The following PRKAR1B variants were observed in gnomAD, a reference collection of about 807,000 sequenced individuals.
The protein encoded by PRKAR1B is protein kinase cAMP-dependent type I regulatory subunit beta, also known as cAMP-dependent protein kinase type I-beta regulatory subunit.
A neutral mutation model predicts 46.5 loss-of-function variants in PRKAR1B; 22 were observed. The ratio of observed to expected loss-of-function variants is 0.47; its 90% CI spans 0.34 to 0.68. The LOEUF (loss-of-function observed/expected upper bound fraction) is 0.68, where lower values mean the gene tolerates loss of function less well. PRKAR1B is among the 30% of genes least tolerant of loss of function. The pLI, the probability that PRKAR1B is intolerant of heterozygous loss-of-function variation, is 0.01. For missense variants in PRKAR1B, 445 were observed against 535.6 expected (o/e 0.83, Z 1.67); for synonymous variants, 259 against 217.7 (o/e 1.19, Z -1.67).
At chr7:669,075 A>G (rs1359412310) in intron 4 of PRKAR1B, among the ~76,000 whole-genome samples, 5 of 152,208 alleles carry the variant, frequency 3.3e-5, no homozygotes, top group African/African-American at 1.2e-4. Context: ...GAAACAACCC[A>G]AGTGTCCATC....
At chr7:652,782 A>G (rs924834553) in intron 4 of PRKAR1B, among the ~76,000 whole-genome samples, 16 of 152,242 alleles carry the variant, frequency 1.1e-4, no homozygotes, top group African/African-American at 3.9e-4. Flanking sequence ...CTTGGCTCCA[A>G]TAACTGGTAC....
chr7:635,772 G>A (rs950962868), intron 4 of PRKAR1B, among the ~76,000 whole-genome samples: 2 of 152,112 alleles, frequency 1.3e-5, no homozygotes, highest in African/African-American at 4.8e-5. Context: ...AGGTAAGGAG[G>A]TGAATGAGCT....
At chr7:662,647 AG>A (rs1360698290) in intron 4 of PRKAR1B, among the ~76,000 whole-genome samples, 2 of 138,680 alleles carry the variant, frequency 1.4e-5, no homozygotes, top group Non-Finnish European at 3.1e-5. Flanking sequence ...GCCATGCCAC[AG>A]GTCCCCACTC....
rs553779459 is a variant in PRKAR1B at position 612,048 on chromosome 7, C to CGGATGGAT, written c.441-4604_441-4597dup. Among the ~76,000 whole-genome samples, 498 of 130,544 alleles carry CGGATGGAT rather than the reference C, an allele frequency of 3.8e-3. 4 individuals are homozygous for CGGATGGAT. Among genetic ancestry groups the CGGATGGAT allele is most frequent in the Middle Eastern group, 0.02 (3 of 148 alleles). The allele number at this position is 130,544 out of a possible 152,430, so 85.6% of individuals were successfully genotyped here. A position where few individuals can be genotyped will look rare whatever the true frequency, so the allele number is the denominator to read the frequency against. ...ATGAATAGGTGGGTGAGTAGAATAA[C>CGGATGGAT]GGATGGATGGATGGATGGATGGATG... On this transcript the variant is annotated intron_variant, in intron 4 of 10. Transcript: ENST00000537384.
rs1491471334 is a variant in PRKAR1B, at chr7:583,479, ACG to A, written c.769+1027_769+1028del. ...CACTCACACACGTGCACTCACACCC[ACG>A]CACACACGTGTGTGCACACCCATAC... On this transcript the variant is annotated intron_variant, in intron 8 of 10. Coordinates refer to ENST00000537384, the MANE Select transcript of PRKAR1B (RefSeq NM_001164760.2). Among the ~76,000 whole-genome samples, 61 of 110,470 alleles carry A rather than the reference ACG, an allele frequency of 5.5e-4. 4 individuals carry two copies. Among genetic ancestry groups the A allele is most frequent in the Non-Finnish European group, 7.0e-4 (36 of 51,654 alleles). 72.5% of individuals were successfully genotyped at this position (110,470 alleles called of 152,430 possible).
rs1023716711 is a variant in PRKAR1B at position 644,379 on chromosome 7, T to C, written c.440+32850A>G. On this transcript the variant is annotated intron_variant, in intron 4 of 10. Transcript: ENST00000537384. The surrounding 1 kb of genome is among the most constrained non-coding windows in gnomAD (Gnocchi z 4.9). ...AGGTGGGGAAACTGAGGCGCGCACA[T>C]TCGGAACGGGGTTTTGCTCCTCCTT... Among the ~76,000 whole-genome samples, 3 of 152,078 alleles carry C rather than the reference T, an allele frequency of 2.0e-5. No individual in the cohort carries two copies. Among genetic ancestry groups the C allele is most frequent in the African/African-American group, 7.2e-5 (3 of 41,418 alleles).
At chr7:626,283 G>A (rs1434564768) in intron 4 of PRKAR1B, among the ~76,000 whole-genome samples, 2 of 152,204 alleles carry the variant, frequency 1.3e-5, no homozygotes, top group Non-Finnish European at 2.9e-5. Flanking sequence ...CTTGAGGCCA[G>A]GCATTTGAGA....
In PRKAR1B at chr7:666,377, G is replaced by A. The variant is rs1047945670; in HGVS notation, c.440+10852C>T. 1.1e-4 allele frequency among the ~76,000 whole-genome samples: 16 copies of A among 152,294 alleles called. No individual in the cohort carries two copies. Among genetic ancestry groups the A allele is most frequent in the African/African-American group, 3.8e-4 (16 of 41,574 alleles). On this transcript the variant is annotated intron_variant, in intron 4 of 10. Coordinates refer to ENST00000537384, the MANE Select transcript of PRKAR1B (RefSeq NM_001164760.2). The surrounding 1 kb of genome is among the most constrained non-coding windows in gnomAD (Gnocchi z 4.9). The stretch of plus-strand genomic sequence containing the variant: ...GCACGCGGGGCTGCTTCCTGAGGCT[G>A]CTGAGGTCCCTGGCCGAGGCGTAAC...
intron 2 of PRKAR1B, among the ~76,000 whole-genome samples, chr7:683,817 G>C (rs1778841848): frequency 6.6e-6 from 1 of 152,194 alleles, no homozygotes; most frequent in Non-Finnish European, 1.5e-5. Context: ...TGCTCCCTCA[G>C]AAACAATCCC....
At chr7:677,826 G>A (rs922139985) in intron 3 of PRKAR1B, among the ~76,000 whole-genome samples, 1 of 152,202 alleles carries the variant, frequency 6.6e-6, no homozygotes, top group Non-Finnish European at 1.5e-5. Flanking sequence ...GAACATCACA[G>A]AGCAACAGAC....
At chr7:718,817 T>C (rs975460876) in intron 1 of PRKAR1B, among the ~76,000 whole-genome samples, 1 of 151,828 alleles carries the variant, frequency 6.6e-6, no homozygotes, top group Non-Finnish European at 1.5e-5. Context: ...TACTTCTTGT[T>C]CCTGTTTCAT....
At chr7:678,544 T>C (rs1583405549) in intron 3 of PRKAR1B, among the ~76,000 whole-genome samples, 2 of 152,320 alleles carry the variant, frequency 1.3e-5, no homozygotes, top group Non-Finnish European at 2.9e-5. Flanking sequence ...TGAGAAGCAC[T>C]ACGAACATTT....
upstream of PRKAR1B, among the ~76,000 whole-genome samples, chr7:727,901 G>A (rs373622656): frequency 6.6e-6 from 1 of 151,552 alleles, no homozygotes; most frequent in South Asian, 2.1e-4. Context: ...CCTGTTAGGC[G>A]GTTTGGGGTG....
Position 709,505 on chromosome 7 carries a change from G to C in PRKAR1B, c.177+1824C>G, listed in dbSNP as rs140156868. Among the ~76,000 whole-genome samples the C allele has an allele frequency of 3.9e-5, 6 of 152,000 alleles. No individual in the cohort carries two copies. The South Asian group carries it at 1.2e-3, about 32-fold the overall frequency. On this transcript the variant is annotated intron_variant, in intron 2 of 10. Transcript: ENST00000537384. Reference sequence around the variant, plus strand: ...CCTGCCTCAGCCTCCTGAGTAGCTGGGACTACAGGCGCCTGCCACCTCGCC... The same window carrying C: ...CCTGCCTCAGCCTCCTGAGTAGCTGCGACTACAGGCGCCTGCCACCTCGCC...
At chr7:551,057 C>A (rs1234070904) in intron 10 of PRKAR1B, among the ~76,000 whole-genome samples, 1 of 151,584 alleles carries the variant, frequency 6.6e-6, no homozygotes, top group Non-Finnish European at 1.5e-5. Flanking sequence ...CTCCCTCAAG[C>A]CCACCCACCC....
At chr7:697,514 G>A (rs928553846) in intron 2 of PRKAR1B, among the ~76,000 whole-genome samples, 1 of 152,266 alleles carries the variant, frequency 6.6e-6, no homozygotes, top group East Asian at 1.9e-4. Flanking sequence ...GCAGGCATGA[G>A]TGGTGTTTCT....
At chr7:610,568 C>T (rs1213683351) in intron 4 of PRKAR1B, among the ~76,000 whole-genome samples, 1 of 152,164 alleles carries the variant, frequency 6.6e-6, no homozygotes, top group Non-Finnish European at 1.5e-5. Flanking sequence ...AATGTTAATG[C>T]CCGAATGTCA....
rs140192463 is a variant in PRKAR1B, at chr7:657,895, G to A, written c.440+19334C>T. Among the ~76,000 whole-genome samples, 149 of 152,146 alleles carry A rather than the reference G, an allele frequency of 9.8e-4. 1 individual carries two copies. The highest frequency in any genetic ancestry group is 3.3e-3 in the African/African-American group (136 of 41,508). ...AGCCTCCACCTCCTCATGAACCAGC[G>A]AGGCTTGCGTAATTCCCACTGAGCC... is the stretch of plus-strand genomic sequence containing the variant. On this transcript the variant is annotated intron_variant, in intron 4 of 10. Transcript: ENST00000537384.
chr7:717,195 A>G (rs1183567658), intron 1 of PRKAR1B, among the ~76,000 whole-genome samples: 1 of 151,962 alleles, frequency 6.6e-6, no homozygotes, highest in African/African-American at 2.4e-5. Flanking sequence ...AGGCTGAGGC[A>G]GGAAGATCAC....
Sources: gnomAD v4.1 joint callset for allele counts (sites outside exome capture counted in the v4.1 genomes callset) on GRCh38, gnomAD v4.1.1 for gene constraint, Gnocchi (gnomAD v3.1) non-coding constraint, MANE v1.5 for transcripts, NCBI Gene and HGNC (gene_info 2026-07-23, HGNC 2026-07-21) for gene names.